Variants in ZDHHC4 observed in about 807,000 individuals in gnomAD.
ZDHHC4 encodes zDHHC palmitoyltransferase 4, also known as palmitoyltransferase ZDHHC4.
In ZDHHC4, 42 loss-of-function variants were observed where a neutral mutation model predicts 36.7. The ratio of observed to expected loss-of-function variants is 1.14; its 90% CI spans 0.89 to 1.48. The LOEUF (loss-of-function observed/expected upper bound fraction) is 1.48. Among genes scored for constraint, ZDHHC4 ranks in the 40% most tolerant of loss-of-function variants. The probability of loss-of-function intolerance (pLI) is 0.00; values close to 1 mark genes in which losing one functional copy is unlikely to be tolerated. For missense variants in ZDHHC4, 457 were observed against 421.5 expected, an observed-to-expected ratio of 1.08 and a Z score of -0.74; for synonymous variants, 189 against 166.6, an observed-to-expected ratio of 1.13 and a Z score of -1.03.
Position 6,580,628 on chromosome 7 carries a change from G to A in ZDHHC4, c.67G>A (p.Val23Ile), listed in dbSNP as rs748965955. The change falls in exon 3 of 8, where the codon GTC becomes ATC. Residue 23 changes from valine to isoleucine, a missense_variant. Val to Ile is a conservative substitution (Grantham distance 29). Transcript: ENST00000335965. Reference sequence around the variant, plus strand: ...GCTGATGGGTCTTGTTCTTATCTGCGTCTGCTCGAAAACCCATAGCTTGAA... The same window carrying A: ...GCTGATGGGTCTTGTTCTTATCTGCATCTGCTCGAAAACCCATAGCTTGAA... Reference protein sequence around the residue: ...SVLMGLVLICVCSKTHSLKGL... With the variant: ...SVLMGLVLICICSKTHSLKGL... The A allele has an allele frequency of 1.3e-5, 21 of 1,613,956 alleles. No homozygotes were observed. The highest frequency in any genetic ancestry group is 9.3e-5 in the African/African-American group (7 of 74,874).
chr7:6,586,869 T>C (rs1033252534), intron 7 of ZDHHC4, among the ~76,000 whole-genome samples: 1 of 124,566 alleles, frequency 8.0e-6, no homozygotes, highest in African/African-American at 3.6e-5. Context: ...CATTTTGGTG[T>C]TTTCACTTTT....
intron 5 of ZDHHC4, among the ~76,000 whole-genome samples, chr7:6,583,037 C>G (rs778678434): frequency 6.6e-6 from 1 of 152,062 alleles, no homozygotes; most frequent in South Asian, 2.1e-4. Context: ...ATTAGCCACG[C>G]GTGCATTAGC....
intron 2 of ZDHHC4, among the ~76,000 whole-genome samples, chr7:6,579,057 C>G (rs1003090482): frequency 6.6e-6 from 1 of 151,940 alleles, no homozygotes; most frequent in Non-Finnish European, 1.5e-5. Context: ...CTCCTGGGTT[C>G]AAGTGATCCT....
chr7:6,580,660 G>C lies in ZDHHC4; in HGVS notation c.99G>C (p.Leu33=). The C allele has an allele frequency of 6.2e-7, 1 of 1,614,144 alleles. No homozygotes were observed. Among genetic ancestry groups the C allele is most frequent in the Non-Finnish European group, 8.5e-7 (1 of 1,180,012 alleles). ...CGAAAACCCATAGCTTGAAAGGCCT[G>C]GCCAGGGGAGGAGCACAGGTAAGGA... ...VCSKTHSLKG[L]ARGGAQIFSC... Residue 33 remains leucine, a synonymous_variant, in exon 3 of 8, where the codon CTG becomes CTC. Coordinates refer to ENST00000335965, the MANE Select transcript of ZDHHC4 (RefSeq NM_001134389.2).
intron 3 of ZDHHC4, among the ~76,000 whole-genome samples, 172 bp from the exon 4 acceptor site, chr7:6,581,435 A>G (rs535569808): frequency 6.6e-6 from 1 of 152,328 alleles, no homozygotes; most frequent in East Asian, 1.9e-4. Context: ...GAAAGGAAAG[A>G]CCAGTAGAAA....
intron 3 of ZDHHC4, 196 bp downstream of exon 3, chr7:6,580,874 C>G (rs528036613): frequency 3.4e-6 from 2 of 585,428 alleles, no homozygotes; most frequent in Admixed American, 6.0e-5. Context: ...TATGATCACG[C>G]CACTGCACTC....
intron 7 of ZDHHC4, 21 bp from the exon 8 acceptor site, chr7:6,588,596 C>T (rs536645375): frequency 9.3e-6 from 15 of 1,611,590 alleles, no homozygotes; most frequent in East Asian, 2.2e-5. Context: ...GCCTAAAGCA[C>T]TACCTTTTCT....
Position 6,580,571 on chromosome 7 carries a change from C to G in ZDHHC4, c.10C>G (p.Leu4Val). MDF[L>V]VLFLFYLASV... ...CCTTTGTAGCTGCAGGATGGACTTTCTGGTCCTCTTCTTGTTCTACCTGGC... is the reference window on the plus strand; with the variant it reads ...CCTTTGTAGCTGCAGGATGGACTTTGTGGTCCTCTTCTTGTTCTACCTGGC... Residue 4 changes from leucine (L) to valine (V), a missense_variant, in exon 3 of 8, where the codon CTG becomes GTG. Leu to Val is a conservative substitution (Grantham distance 32, BLOSUM62 1). Transcript: ENST00000335965. 6.2e-7 allele frequency: 1 copy of G among 1,614,132 alleles called. No homozygotes were observed. Among genetic ancestry groups the G allele is most frequent in the South Asian group, 1.1e-5 (1 of 91,084 alleles).
intron 2 of ZDHHC4, 75 bp from the exon 3 acceptor site, chr7:6,580,480 T>A: frequency 8.2e-7 from 1 of 1,225,092 alleles, no homozygotes; most frequent in East Asian, 2.3e-5. Context: ...CATTTGGGAG[T>A]TGATGTCTGA....
intron 5 of ZDHHC4, 138 bp downstream of exon 5, chr7:6,582,389 G>T: frequency 6.9e-6 from 6 of 866,254 alleles, no homozygotes; most frequent in East Asian, 5.0e-5. Context: ...TCAGTTTTGA[G>T]TGTTTTCTAA....
chr7:6,580,989 A>G, intron 3 of ZDHHC4: 3 of 355,632 alleles, frequency 8.4e-6, no homozygotes, highest in Non-Finnish European at 1.6e-5. Flanking sequence ...GGGATATTCC[A>G]CAGCCTCTGT....
chr7:6,582,299 T>G, intron 5 of ZDHHC4, 48 bp downstream of exon 5: 2 of 1,536,574 alleles, frequency 1.3e-6, no homozygotes, highest in Non-Finnish European at 1.8e-6. Flanking sequence ...TCCACTGTCT[T>G]ACTAATAGTG....
Position 6,582,075 on chromosome 7 carries a change from A to G in ZDHHC4, c.194A>G (p.Asn65Ser). ...GLLHYLFHTR[N>S]HTFIVLHLVL... The stretch of plus-strand genomic sequence containing the variant: ...AAGCCATGCCTGTTTTCTTTCAGAA[A>G]CCACACCTTCATTGTCCTGCACCTG... The change falls in exon 5 of 8, where the codon AAC becomes AGC. Residue 65 changes from asparagine (N) to serine (S), a missense_variant and splice_region_variant. Physicochemically the swap from Asn to Ser is conservative, Grantham distance 46 (BLOSUM62 1). Coordinates refer to ENST00000335965, the MANE Select transcript of ZDHHC4 (RefSeq NM_001134389.2). 6.2e-7 allele frequency: 1 copy of G among 1,610,128 alleles called. No homozygotes were observed. Among genetic ancestry groups the G allele is most frequent in the Non-Finnish European group, 8.5e-7 (1 of 1,177,278 alleles).
rs1197524562 is a variant in ZDHHC4 at position 6,583,303 on chromosome 7, C to G, written c.371-3C>G. 1.2e-6 allele frequency: 2 copies of G among 1,613,672 alleles called. No individual in the cohort carries two copies. The highest frequency in any genetic ancestry group is 1.7e-6 in the Non-Finnish European group (2 of 1,179,862). On this transcript the variant is annotated splice_region_variant and splice_polypyrimidine_tract_variant and intron_variant, in intron 5 of 7. Transcript: ENST00000335965. ...AACTGACATATGTCCTTACTTTTCC[C>G]AGGCATTATAACAAAAGCAAATGAA...
Position 6,578,707 on chromosome 7 carries a change from C to T in ZDHHC4, c.-21C>T, listed in dbSNP as rs573114814. 38 of 152,304 alleles carry T rather than the reference C, an allele frequency of 2.5e-4. No individual in the cohort carries two copies. Among genetic ancestry groups the T allele is most frequent in the African/African-American group, 9.1e-4 (38 of 41,570 alleles). The allele number at this position is 152,304 out of a possible 1,614,324, so 9.4% of individuals were successfully genotyped here. On this transcript the variant is annotated 5_prime_UTR_variant, in exon 2 of 8. Coordinates refer to ENST00000335965, the MANE Select transcript of ZDHHC4 (RefSeq NM_001134389.2). Reference sequence around the variant, plus strand: ...CCAGAGCTGCCGGCTGAAAATTACCCAACCAAGAGAAATGTAGGCTGGGTA... The same window carrying T: ...CCAGAGCTGCCGGCTGAAAATTACCTAACCAAGAGAAATGTAGGCTGGGTA...
intron 2 of ZDHHC4, among the ~76,000 whole-genome samples, chr7:6,579,438 G>T (rs1266630774): frequency 6.6e-6 from 1 of 152,106 alleles, no homozygotes; most frequent in Non-Finnish European, 1.5e-5. Context: ...CTGACCTCGT[G>T]ATCCGCCTGC....
chr7:6,589,024 G>T lies in ZDHHC4; in HGVS notation c.*114G>T. The T allele has an allele frequency of 2.2e-6, 3 of 1,357,366 alleles. No homozygotes were observed. The highest frequency in any genetic ancestry group is 3.0e-6 in the Non-Finnish European group (3 of 993,532). 84.1% of individuals were successfully genotyped at this position (1,357,366 alleles called of 1,614,324 possible). On this transcript the variant is annotated 3_prime_UTR_variant, in exon 8 of 8. Transcript: ENST00000335965. ...TCTGCTGTGCTTATAAATCACTTTC[G>T]GTGGGCAAGGGAGAGAGGGGAAAAT...
At position 6,585,212 on chromosome 7, in the gene ZDHHC4, CGAT is replaced by C. The variant is rs1562544203; in HGVS notation, c.696_698del (p.Asp233del). ...CAGATTTATACCAGGAGACTTACAT[CGAT>C]GACCTTGGACACCTCCATGTTATGG... is the stretch of plus-strand genomic sequence containing the variant. On this transcript the variant is annotated inframe_deletion, in exon 7 of 8. Coordinates refer to ENST00000335965, the MANE Select transcript of ZDHHC4 (RefSeq NM_001134389.2). 5.6e-6 allele frequency: 9 copies of C among 1,614,164 alleles called. No homozygotes were observed. The highest frequency in any genetic ancestry group is 7.6e-6 in the Non-Finnish European group (9 of 1,180,028).
intron 7 of ZDHHC4, among the ~76,000 whole-genome samples, chr7:6,585,907 T>C (rs1483878860): frequency 2.0e-5 from 3 of 152,142 alleles, no homozygotes; most frequent in Non-Finnish European, 4.4e-5. Context: ...TCCCAGCACT[T>C]TGGGAGGCCA....
Sources: gnomAD v4.1 joint callset for allele counts (sites outside exome capture counted in the v4.1 genomes callset) on GRCh38, gnomAD v4.1.1 for gene constraint, MANE v1.5 for transcripts, NCBI Gene and HGNC (gene_info 2026-07-23, HGNC 2026-07-21) for gene names.